The following LRP6 variants were observed in gnomAD, a reference collection of about 807,000 sequenced individuals.
LRP6 encodes the protein low-density lipoprotein receptor-related protein 6.
Under a neutral mutation model 184.1 loss-of-function variants are expected in LRP6, and 43 were observed. That is an observed-to-expected ratio of 0.23 (90% CI 0.18 to 0.30). The LOEUF is 0.30. LRP6 is among the 10% of genes least tolerant of loss of function. LRP6 has a pLI of 1.00. For missense variants in LRP6, 1,571 were observed against 2,005.3 expected (o/e 0.78, Z 4.14); for synonymous variants, 719 against 684.9 (o/e 1.05, Z -0.78).
chr12:12,190,108 G>T lies in LRP6; in HGVS notation c.648-2989C>A, dbSNP rs771317092. Among the ~76,000 whole-genome samples the T allele has an allele frequency of 3.3e-5, 5 of 152,102 alleles. No homozygotes were observed. In the East Asian group the frequency reaches 5.8e-4, roughly 18 times the overall value. On this transcript the variant is annotated intron_variant, in intron 3 of 22. Coordinates refer to ENST00000261349, the MANE Select transcript of LRP6 (RefSeq NM_002336.3). ...TGTAATTAACAGAGCTGAACAAAAGGCAGAACTAAGAACACTATCATGCAA... is the reference window on the plus strand; with the variant it reads ...TGTAATTAACAGAGCTGAACAAAAGTCAGAACTAAGAACACTATCATGCAA...
At chr12:12,171,532 A>AAAT (rs1863043987) in intron 7 of LRP6, among the ~76,000 whole-genome samples, 14 of 147,324 alleles carry the variant, frequency 9.5e-5, no homozygotes, top group African/African-American at 3.2e-4. Context: ...AAAAAAAAAT[A>AAAT]AAATAAATAA....
chr12:12,124,871 G>C (rs770152207), intron 21 of LRP6, among the ~76,000 whole-genome samples: 1 of 152,144 alleles, frequency 6.6e-6, no homozygotes, highest in Non-Finnish European at 1.5e-5. Flanking sequence ...AAAGTGCAAA[G>C]TGACAAAAAC....
At chr12:12,227,533 G>A (rs773331915) in intron 2 of LRP6, among the ~76,000 whole-genome samples, 9 of 151,396 alleles carry the variant, frequency 5.9e-5, no homozygotes, top group East Asian at 1.9e-4. Flanking sequence ...TCAGTCTCCC[G>A]AGTAGCTGGG....
At chr12:12,215,489 G>A (rs1045973374) in intron 2 of LRP6, among the ~76,000 whole-genome samples, 27 of 151,688 alleles carry the variant, frequency 1.8e-4, no homozygotes, top group Admixed American at 6.6e-4. Flanking sequence ...GCAATAGCGC[G>A]ATCTCGGCTC....
intron 2 of LRP6, among the ~76,000 whole-genome samples, chr12:12,239,434 A>G (rs1865005053): frequency 6.6e-6 from 1 of 152,238 alleles, no homozygotes; most frequent in Non-Finnish European, 1.5e-5. Flanking sequence ...ACAAAACTCA[A>G]TAAGCTTAAG....
At chr12:12,141,992 TTTAAGATAGCAAAA>T (rs1259957964) in intron 15 of LRP6, among the ~76,000 whole-genome samples, 1 of 152,158 alleles carries the variant, frequency 6.6e-6, no homozygotes, top group Non-Finnish European at 1.5e-5. Context: ...CGACATATGG[TTTAAGATAGCAAAA>T]TCTTTATCTT....
chr12:12,162,097 T>C (rs1862755247), intron 10 of LRP6, 96 bp downstream of exon 10: 2 of 953,182 alleles, frequency 2.1e-6, no homozygotes, highest in African/African-American at 3.2e-5. Context: ...TCCTAATACG[T>C]ATTATTTAAA....
intron 11 of LRP6, among the ~76,000 whole-genome samples, chr12:12,159,519 T>C (rs1374269139): frequency 6.6e-6 from 1 of 152,188 alleles, no homozygotes; most frequent in Non-Finnish European, 1.5e-5. Context: ...ATTTTACTGG[T>C]ACAAAAGTCA....
rs60294394 is a variant in LRP6 at position 12,199,091 on chromosome 12, C to G, written c.647+4112G>C. ...GCAAAGTTAAATGCCAAAGGAACAACATGGATGACTTGCAAAGAATGGGCT... is the reference window on the plus strand; with the variant it reads ...GCAAAGTTAAATGCCAAAGGAACAAGATGGATGACTTGCAAAGAATGGGCT... On this transcript the variant is annotated intron_variant, in intron 3 of 22. Transcript: ENST00000261349. Among the ~76,000 whole-genome samples the G allele has an allele frequency of 4.6e-3, 697 of 151,302 alleles. 5 individuals are homozygous for G. Among genetic ancestry groups the G allele is most frequent in the African/African-American group, 0.016 (659 of 41,128 alleles).
intron 7 of LRP6, among the ~76,000 whole-genome samples, chr12:12,176,456 C>CT (rs1863185535): frequency 1.3e-5 from 2 of 152,316 alleles, no homozygotes; most frequent in Middle Eastern, 3.4e-3. Flanking sequence ...AATGTGACAT[C>CT]ATTAGCAATG....
chr12:12,139,031 A>C lies in LRP6; in HGVS notation c.3398-497T>G, dbSNP rs1565548099. 19 of 1,289,632 alleles carry C rather than the reference A, an allele frequency of 1.5e-5. No individual in the cohort carries two copies. In the South Asian group the frequency reaches 2.3e-4, roughly 16 times the overall value. The allele number at this position is 1,289,632 out of a possible 1,614,324, so 79.9% of individuals were successfully genotyped here. ...ACATAGAGTCATCCAGACTCTGAGG[A>C]GGCAACTTCTGCTATTGTTGCACAG... On this transcript the variant is annotated intron_variant, in intron 15 of 22. Transcript: ENST00000261349.
chr12:12,264,726 CA>C (rs1865713819), intron 1 of LRP6, among the ~76,000 whole-genome samples: 1 of 152,056 alleles, frequency 6.6e-6, no homozygotes, highest in Non-Finnish European at 1.5e-5. Context: ...AAATTATGAA[CA>C]AAAATATTTT....
intron 1 of LRP6, among the ~76,000 whole-genome samples, chr12:12,261,598 T>C (rs972890702): frequency 6.6e-6 from 1 of 152,162 alleles, no homozygotes; most frequent in African/African-American, 2.4e-5. Flanking sequence ...ATGTAATACT[T>C]GACAAGTTTG....
At chr12:12,145,624 CTTTTTTTTTT>C (rs1157764946) in intron 15 of LRP6, among the ~76,000 whole-genome samples, 1 of 80,350 alleles carries the variant, frequency 1.2e-5, no homozygotes, top group African/African-American at 3.7e-5. Context: ...TTTTCTTTTT[CTTTTTTTTTT>C]TTTTTTTTTT....
intron 3 of LRP6, among the ~76,000 whole-genome samples, chr12:12,193,571 A>T (rs1863673096): frequency 6.6e-6 from 1 of 152,018 alleles, no homozygotes; most frequent in Non-Finnish European, 1.5e-5. Context: ...GCCTTACAGA[A>T]ATTAAAAGGA....
intron 12 of LRP6, chr12:12,155,798 C>A (rs1266216181): frequency 1.3e-5 from 10 of 742,414 alleles, no homozygotes; most frequent in East Asian, 2.5e-5. Context: ...TAAAAGACTT[C>A]TGGACTGTTA....
chr12:12,215,912 T>G (rs1157216395), intron 2 of LRP6, among the ~76,000 whole-genome samples: 1 of 151,824 alleles, frequency 6.6e-6, no homozygotes, highest in African/African-American at 2.4e-5. Context: ...CTTGGGAAGT[T>G]GAAGCAGGAG....
At chr12:12,147,818 C>T (rs181878384) in intron 14 of LRP6, among the ~76,000 whole-genome samples, 1 of 151,496 alleles carries the variant, frequency 6.6e-6, no homozygotes, top group African/African-American at 2.4e-5. Flanking sequence ...CAAAAAATAC[C>T]CCAAAAATTA....
At chr12:12,132,636 A>G (rs995129726) in intron 17 of LRP6, among the ~76,000 whole-genome samples, 5 of 152,216 alleles carry the variant, frequency 3.3e-5, no homozygotes, top group Admixed American at 6.5e-5. Context: ...TCACTGTACT[A>G]TACACAGCCA....
Sources: allele counts gnomAD v4.1 joint callset (sites outside exome capture counted in the v4.1 genomes callset), GRCh38; gene constraint gnomAD v4.1.1; transcripts MANE v1.5; gene names NCBI Gene and HGNC (gene_info 2026-07-23, HGNC 2026-07-21).